Variants in HEATR4 observed in about 807,000 individuals in gnomAD.
HEATR4 encodes the protein HEAT repeat containing 4.
In HEATR4, 95 loss-of-function variants were observed where a neutral mutation model predicts 108.8. The observed-to-expected ratio is 0.87, with a 90% CI of 0.74 to 1.04. HEATR4 has a LOEUF of 1.04. HEATR4 is among the 50% of genes least tolerant of loss of function. The pLI, the probability that HEATR4 is intolerant of heterozygous loss-of-function variation, is 0.00. For missense variants in HEATR4, 1,152 were observed against 1,253.8 expected, an observed-to-expected ratio of 0.92 and a Z score of 1.23; for synonymous variants, 443 against 459.4, an observed-to-expected ratio of 0.96 and a Z score of 0.46.
chr14:73,578,537 C>A, the HEATR4 span, among the ~76,000 whole-genome samples: 1 of 152,020 alleles, frequency 6.6e-6, no homozygotes, highest in Non-Finnish European at 1.5e-5. Context: ...CCTAGTTAGT[C>A]TTTATTAGTT....
chr14:73,547,433 T>A lies in HEATR4; in HGVS notation c.-152+11318A>T, dbSNP rs1251704362. ...TATGTTGCCCATGCTGGTCTTAAACTCCTGGGCTCAGGCAATCTTCCCACC... is the reference window on the plus strand; with the variant it reads ...TATGTTGCCCATGCTGGTCTTAAACACCTGGGCTCAGGCAATCTTCCCACC... On this transcript the variant is annotated intron_variant, in intron 1 of 17. Coordinates refer to ENST00000553558, the MANE Select transcript of HEATR4 (RefSeq NM_001220484.1). 3.7e-4 allele frequency among the ~76,000 whole-genome samples: 42 copies of A among 115,066 alleles called. 9 individuals carry two copies. The highest frequency in any genetic ancestry group is 1.2e-3 in the African/African-American group (41 of 35,564). The allele number at this position is 115,066 out of a possible 152,430, so 75.5% of individuals were successfully genotyped here.
the HEATR4 span, among the ~76,000 whole-genome samples, chr14:73,597,070 TTTTA>T: frequency 6.5e-4 from 97 of 148,910 alleles, no homozygotes; most frequent in African/African-American, 2.3e-3. Context: ...GGTAATTTTA[TTTTA>T]TTTATTTATT....
At chr14:73,598,696 A>G in the HEATR4 span, among the ~76,000 whole-genome samples, 1 of 151,938 alleles carries the variant, frequency 6.6e-6, no homozygotes, top group African/African-American at 2.4e-5. Context: ...GTGAAACCCC[A>G]TCTCTACTAA....
At chr14:73,597,808 G>A in the HEATR4 span, among the ~76,000 whole-genome samples, 1 of 151,444 alleles carries the variant, frequency 6.6e-6, no homozygotes, top group African/African-American at 2.4e-5. Flanking sequence ...TGGCCAGGCT[G>A]GTCTCAAATC....
intron 5 of HEATR4, 69 bp from the exon 6 acceptor site, chr14:73,514,303 C>A: frequency 7.1e-7 from 1 of 1,405,176 alleles, no homozygotes; most frequent in Non-Finnish European, 9.9e-7. Context: ...GTGGCCCCAG[C>A]TTGCATCCCA....
chr14:73,614,834 C>T, the HEATR4 span, among the ~76,000 whole-genome samples: 7 of 151,828 alleles, frequency 4.6e-5, no homozygotes, highest in South Asian at 2.1e-4. Context: ...CAGTGGCTCA[C>T]GCCTGTAATC....
Position 73,519,168 on chromosome 14 carries a change from G to T in HEATR4, c.1070-5C>A. 1 of 1,609,392 alleles carries T rather than the reference G, an allele frequency of 6.2e-7. No homozygotes were observed. The highest frequency in any genetic ancestry group is 1.3e-5 in the African/African-American group (1 of 74,782). On this transcript the variant is annotated splice_polypyrimidine_tract_variant and splice_region_variant and intron_variant, in intron 4 of 17. Coordinates refer to ENST00000553558, the MANE Select transcript of HEATR4 (RefSeq NM_001220484.1). Reference sequence around the variant, plus strand: ...GGTGGATGATCTGGACTTCATCTGTGAACAGACAAAGAAACAATGAGTCCC... The same window carrying T: ...GGTGGATGATCTGGACTTCATCTGTTAACAGACAAAGAAACAATGAGTCCC...
the HEATR4 span, chr14:73,573,647 T>G: frequency 6.2e-7 from 1 of 1,602,432 alleles, no homozygotes; most frequent in East Asian, 2.2e-5. Context: ...TCTTAAATGG[T>G]CTGGGTTTTC....
In HEATR4 at chr14:73,508,315, A is replaced by C. The variant is rs190826479; in HGVS notation, c.1721-21T>G. On this transcript the variant is annotated intron_variant, in intron 8 of 17. Transcript: ENST00000553558. ...GTTACCTGCCACAGTTGGGTGAAAA[A>C]GAGTTCAGAATGGTGATGTGTTTTC... 7.4e-6 allele frequency: 12 copies of C among 1,611,526 alleles called. No individual in the cohort carries two copies. In the African/African-American group the frequency reaches 9.3e-5, roughly 13 times the overall value.
the HEATR4 span, chr14:73,592,069 C>T: frequency 8.9e-4 from 1,313 of 1,482,764 alleles, 9 homozygotes; most frequent in African/African-American, 0.016. Context: ...CTGCGCGCGT[C>T]CCTGCGCGAC....
At chr14:73,493,226 T>G (rs1027430670) in intron 16 of HEATR4, 102 bp from the exon 17 acceptor site, 1 of 885,308 alleles carries the variant, frequency 1.1e-6, no homozygotes, top group Admixed American at 2.2e-5. Flanking sequence ...TTCAGTGTAC[T>G]GGGTAACACT....
the HEATR4 span, chr14:73,573,511 A>C: frequency 6.2e-7 from 1 of 1,613,524 alleles, no homozygotes; most frequent in Non-Finnish European, 8.5e-7. Context: ...TATAACTATG[A>C]AGACCTCCCC....
At chr14:73,491,179 G>A in intron 17 of HEATR4, 1 of 1,598,670 alleles carries the variant, frequency 6.3e-7, no homozygotes, top group South Asian at 1.1e-5. Flanking sequence ...CAGCGCTGAG[G>A]ACGCAGACGC....
chr14:73,500,064 C>T (rs1886344635), intron 12 of HEATR4, among the ~76,000 whole-genome samples: 1 of 152,116 alleles, frequency 6.6e-6, no homozygotes, highest in South Asian at 2.1e-4. Flanking sequence ...CCCATCTTTA[C>T]TAAAAACACA....
chr14:73,626,940 C>A, the HEATR4 span, among the ~76,000 whole-genome samples: 72 of 151,224 alleles, frequency 4.8e-4, 1 homozygote, highest in East Asian at 0.012. Flanking sequence ...TACAGGTATG[C>A]GCCACCACAC....
chr14:73,612,650 GC>G, the HEATR4 span: 4 of 1,407,058 alleles, frequency 2.8e-6, no homozygotes, highest in Non-Finnish European at 3.7e-6. Flanking sequence ...GCGCGGCCTG[GC>G]CCCGGAGCAG....
Position 73,483,160 on chromosome 14 carries a change from T to C in HEATR4, c.2845-4318A>G, listed in dbSNP as rs151212673. Reference sequence around the variant, plus strand: ...ATTGCACATAGCACTGTACTCTAGTTAATAAAATTGTTTCCCAGGGGAGTG... The same window carrying C: ...ATTGCACATAGCACTGTACTCTAGTCAATAAAATTGTTTCCCAGGGGAGTG... On this transcript the variant is annotated intron_variant, in intron 17 of 17. Transcript: ENST00000553558. 1.4e-3 allele frequency among the ~76,000 whole-genome samples: 220 copies of C among 152,318 alleles called. 1 individual carries two copies. Among genetic ancestry groups the C allele is most frequent in the African/African-American group, 5.0e-3 (206 of 41,564 alleles).
At chr14:73,542,368 T>C (rs1889115416) in intron 1 of HEATR4, among the ~76,000 whole-genome samples, 1 of 109,686 alleles carries the variant, frequency 9.1e-6, no homozygotes, top group Admixed American at 1.0e-4. Flanking sequence ...GTAGTTGGTA[T>C]TATGCAATTT....
the HEATR4 span, among the ~76,000 whole-genome samples, chr14:73,614,090 G>C: frequency 6.6e-6 from 1 of 150,494 alleles, no homozygotes; most frequent in Admixed American, 6.6e-5. Context: ...AGTCCCAGCT[G>C]CTTGGGAGGC....
Sources: gnomAD v4.1 joint callset for allele counts (sites outside exome capture counted in the v4.1 genomes callset) on GRCh38, gnomAD v4.1.1 for gene constraint, MANE v1.5 for transcripts, NCBI Gene and HGNC (gene_info 2026-07-23, HGNC 2026-07-21) for gene names.